The following CAPS2 variants were observed in gnomAD, a reference collection of about 807,000 sequenced individuals.
CAPS2 encodes the protein calcyphosin-2.
A neutral mutation model predicts 86.5 loss-of-function variants in CAPS2; 98 were observed. That is an observed-to-expected ratio of 1.13 (90% CI 0.96 to 1.34). The LOEUF (loss-of-function observed/expected upper bound fraction) is 1.34. Ranked by LOEUF, CAPS2 falls within the 40% of genes most tolerant of loss-of-function variation. CAPS2 has a pLI of 0.00. For missense variants in CAPS2, 729 were observed against 686.8 expected (o/e 1.06, Z -0.69); for synonymous variants, 210 against 225.1 (o/e 0.93, Z 0.60).
intron 1 of CAPS2, among the ~76,000 whole-genome samples, chr12:75,379,365 G>T (rs907558784): frequency 2.0e-5 from 3 of 152,168 alleles, no homozygotes; most frequent in Non-Finnish European, 2.9e-5. Context: ...CATCTTATTA[G>T]TGGGCTTTCC....
exon 17 of CAPS2, chr12:75,278,864 G>A: frequency 2.7e-6 from 4 of 1,480,502 alleles, no homozygotes; most frequent in Non-Finnish European, 3.6e-6. Context: ...AATGCTTAGT[G>A]TTGATGACAT....
exon 10 of CAPS2, chr12:75,298,950 A>G: frequency 1.2e-6 from 2 of 1,600,840 alleles, no homozygotes; most frequent in Non-Finnish European, 1.7e-6. Context: ...AGCTCTCTGC[A>G]AGCATCACGT....
chr12:75,326,331 T>C (rs2040778576), intron 1 of CAPS2, 87 bp downstream of exon 2: 3 of 548,706 alleles, frequency 5.5e-6, no homozygotes, highest in Non-Finnish European at 9.9e-6. Context: ...TATCTGTGAA[T>C]ATAAGTAGTC....
chr12:75,311,108 G>A (rs1013851436), intron 7 of CAPS2, among the ~76,000 whole-genome samples: 1 of 152,160 alleles, frequency 6.6e-6, no homozygotes, highest in Non-Finnish European at 1.5e-5. Flanking sequence ...TGATTAAAAT[G>A]AGAAATTCCT....
At chr12:75,363,186 C>G (rs1253431168) in intron 1 of CAPS2, 2 of 1,408,274 alleles carry the variant, frequency 1.4e-6, no homozygotes, top group Non-Finnish European at 1.9e-6. Flanking sequence ...TAAAGAACCT[C>G]TGCAGTAAGC....
intron 6 of CAPS2, among the ~76,000 whole-genome samples, chr12:75,315,127 C>T (rs1180527763): frequency 6.6e-6 from 1 of 152,074 alleles, no homozygotes; most frequent in East Asian, 1.9e-4. Flanking sequence ...TGAGTACTAT[C>T]AAAATAAAAT....
At chr12:75,387,518 A>G (rs2045353650) in intron 1 of CAPS2, among the ~76,000 whole-genome samples, 1 of 152,190 alleles carries the variant, frequency 6.6e-6, no homozygotes. Flanking sequence ...AAAACTGAAC[A>G]TTATGCTTAC....
chr12:75,302,636 C>T (rs1010056887), intron 8 of CAPS2, among the ~76,000 whole-genome samples: 2 of 151,898 alleles, frequency 1.3e-5, no homozygotes, highest in Non-Finnish European at 1.5e-5. Flanking sequence ...AAGATATGTG[C>T]GACAAATATA....
At chr12:75,280,344 C>G (rs1178263410) in intron 16 of CAPS2, among the ~76,000 whole-genome samples, 1 of 151,576 alleles carries the variant, frequency 6.6e-6, no homozygotes, top group Non-Finnish European at 1.5e-5. Flanking sequence ...TTTTTTTCTT[C>G]TTTGAAATAC....
chr12:75,369,764 A>T, intron 1 of CAPS2: 1 of 984,766 alleles, frequency 1.0e-6, no homozygotes, highest in Non-Finnish European at 1.2e-6. Context: ...ATATTTGTTG[A>T]CATAACACTG....
At chr12:75,307,279 A>G (rs1410270228) in intron 7 of CAPS2, among the ~76,000 whole-genome samples, 1 of 152,240 alleles carries the variant, frequency 6.6e-6, no homozygotes, top group East Asian at 1.9e-4. Context: ...AGTACCTATA[A>G]TCTACTAAGT....
intron 1 of CAPS2, among the ~76,000 whole-genome samples, chr12:75,342,629 C>G (rs1258460470): frequency 6.6e-6 from 1 of 152,038 alleles, no homozygotes; most frequent in Non-Finnish European, 1.5e-5. Context: ...GAGAAAGTCT[C>G]CAGTTTTATT....
At chr12:75,305,889 C>T in intron 7 of CAPS2, 3 of 815,990 alleles carry the variant, frequency 3.7e-6, no homozygotes, top group Non-Finnish European at 6.4e-6. Context: ...CCAGGCTGCA[C>T]CTGAGGCTGT....
At chr12:75,358,284 T>C (rs1028959879) in intron 1 of CAPS2, among the ~76,000 whole-genome samples, 13 of 151,856 alleles carry the variant, frequency 8.6e-5, no homozygotes, top group Middle Eastern at 3.4e-3. Flanking sequence ...AAGAGAAAAG[T>C]ATAGAGCAAT....
chr12:75,347,548 T>C (rs1452935302), intron 1 of CAPS2: 3 of 892,690 alleles, frequency 3.4e-6, no homozygotes, highest in Admixed American at 1.8e-5. Context: ...ACAAAGATTA[T>C]ACCAATTCTC....
At chr12:75,311,698 AGG>A (rs2039188736) in intron 7 of CAPS2, among the ~76,000 whole-genome samples, 1 of 79,396 alleles carries the variant, frequency 1.3e-5, no homozygotes, top group Non-Finnish European at 2.3e-5. Context: ...GAAGCCATGC[AGG>A]AAAAAAAAAA....
At chr12:75,295,669 A>C (rs2036754232) in intron 11 of CAPS2, among the ~76,000 whole-genome samples, 1 of 152,210 alleles carries the variant, frequency 6.6e-6, no homozygotes, top group African/African-American at 2.4e-5. Flanking sequence ...TGGTCATGAC[A>C]GGTAAGTCCT....
At chr12:75,377,999 T>TA (rs980672485) in intron 1 of CAPS2, among the ~76,000 whole-genome samples, 7 of 152,028 alleles carry the variant, frequency 4.6e-5, no homozygotes, top group Admixed American at 4.6e-4. Context: ...GGGTGATTGA[T>TA]ACTTTTTTTT....
At chr12:75,330,070 C>G, upstream of CAPS2, 1 of 402,196 alleles carries the variant, frequency 2.5e-6, no homozygotes, top group Non-Finnish European at 4.4e-6. Flanking sequence ...GGTTGCCCGG[C>G]AACAGGCGCC....
Sources: allele counts gnomAD v4.1 joint callset (sites outside exome capture counted in the v4.1 genomes callset), GRCh38; gene constraint gnomAD v4.1.1; transcripts MANE v1.5; gene names NCBI Gene and HGNC (gene_info 2026-07-23, HGNC 2026-07-21).